The following CDK13 variants were observed in gnomAD, a reference collection of about 807,000 sequenced individuals.
The protein encoded by CDK13 is cyclin-dependent kinase 13.
CDK13 carries 40 observed loss-of-function variants against 137.6 expected under a neutral mutation model. The ratio of observed to expected loss-of-function variants is 0.29; its 90% CI spans 0.23 to 0.38. The LOEUF is 0.38. CDK13 is among the 10% of genes least tolerant of loss of function. The pLI is 1.00. For missense variants in CDK13, 1,704 were observed against 1,951.8 expected, an observed-to-expected ratio of 0.87 and a Z score of 2.39; for synonymous variants, 869 against 760.1, an observed-to-expected ratio of 1.14 and a Z score of -2.36.
intron 5 of CDK13, among the ~76,000 whole-genome samples, chr7:40,012,289 A>T (rs942586959): frequency 6.6e-6 from 1 of 152,212 alleles, no homozygotes; most frequent in Admixed American, 6.5e-5. Context: ...TAGAAATTCT[A>T]CTACTGGATC....
chr7:40,040,885 T>C (rs1397240981), intron 5 of CDK13, among the ~76,000 whole-genome samples: 1 of 152,224 alleles, frequency 6.6e-6, no homozygotes, highest in Admixed American at 6.5e-5. Context: ...AAACTTGTTA[T>C]CTGCATTTAA....
chr7:40,001,818 C>G (rs540707119), intron 4 of CDK13, 43 bp from the exon 5 acceptor site: 1 of 1,229,528 alleles, frequency 8.1e-7, no homozygotes, highest in South Asian at 1.3e-5. Flanking sequence ...ATGTCATCTG[C>G]TTTTGTTAAC....
chr7:40,055,327 A>G (rs543094648), intron 7 of CDK13, among the ~76,000 whole-genome samples: 32 of 152,106 alleles, frequency 2.1e-4, no homozygotes, highest in African/African-American at 7.7e-4. Flanking sequence ...AGTCGACTAT[A>G]TGTTTTTCAG....
intron 1 of CDK13, among the ~76,000 whole-genome samples, chr7:39,977,180 T>C (rs1784129718): frequency 6.6e-6 from 1 of 152,170 alleles, no homozygotes; most frequent in African/African-American, 2.4e-5. Context: ...CAAGATGATA[T>C]TCTCACTAGG....
chr7:40,080,838 G>A (rs1263730219), intron 11 of CDK13, among the ~76,000 whole-genome samples: 6 of 152,138 alleles, frequency 3.9e-5, no homozygotes, highest in Non-Finnish European at 7.4e-5. Context: ...TGGATATCAT[G>A]TTGTGGAGGT....
intron 1 of CDK13, among the ~76,000 whole-genome samples, chr7:39,965,123 G>A (rs147182643): frequency 2.0e-5 from 3 of 152,308 alleles, no homozygotes; most frequent in African/African-American, 7.2e-5. Context: ...GGAGAGTTCT[G>A]TAGATGTCTA....
intron 5 of CDK13, among the ~76,000 whole-genome samples, chr7:40,014,131 C>T (rs1019769665): frequency 1.6e-5 from 2 of 127,126 alleles, no homozygotes; most frequent in African/African-American, 6.2e-5. Flanking sequence ...TGCAGTGGTG[C>T]GGTCTTGGCT....
chr7:39,960,893 A>G (rs936362239), intron 1 of CDK13, among the ~76,000 whole-genome samples: 4 of 152,172 alleles, frequency 2.6e-5, no homozygotes, highest in Non-Finnish European at 5.9e-5. Context: ...TTTTATTGAC[A>G]AATAATTGTA....
intron 12 of CDK13, among the ~76,000 whole-genome samples, chr7:40,088,997 T>G (rs1235728561): frequency 6.6e-6 from 1 of 151,846 alleles, no homozygotes; most frequent in Non-Finnish European, 1.5e-5. Flanking sequence ...AAGAATCGCT[T>G]GAACTGGGGA....
chr7:40,040,279 C>T (rs1219797428), intron 5 of CDK13, among the ~76,000 whole-genome samples: 3 of 152,140 alleles, frequency 2.0e-5, no homozygotes, highest in African/African-American at 7.2e-5. Flanking sequence ...ATCCCAATAC[C>T]ACCAATTAAA....
At chr7:40,012,804 T>C (rs2687597) in intron 5 of CDK13, among the ~76,000 whole-genome samples, 150,844 of 151,862 alleles carry the variant, frequency 0.99, 74,925 homozygotes, top group South Asian at 1. Flanking sequence ...CCCAGCTACT[T>C]GGGAGGCTGA....
intron 5 of CDK13, among the ~76,000 whole-genome samples, chr7:40,042,662 A>G: frequency 7.3e-6 from 1 of 136,516 alleles, no homozygotes; most frequent in African/African-American, 3.6e-5. Flanking sequence ...GTATTTTAGC[A>G]GAGACGGGGT....
chr7:40,088,105 TA>T lies in CDK13; in HGVS notation c.3030-19del. ...TTGTTAAGAAATGCCATTTACAATT[TA>T]ATTCCTTTTTTTTTTTCAGTCTCCC... On this transcript the variant is annotated intron_variant, in intron 11 of 13. Transcript: ENST00000181839. The T allele has an allele frequency of 6.3e-7, 1 of 1,598,270 alleles. No individual in the cohort carries two copies.
intron 12 of CDK13, among the ~76,000 whole-genome samples, chr7:40,089,727 T>C (rs924052955): frequency 0.094 from 11,609 of 123,784 alleles, 1,337 homozygotes; most frequent in African/African-American, 0.29. Context: ...AGAGAGAGTG[T>C]GTGTGTGTGT....
Position 40,036,338 on chromosome 7 carries a change from A to G in CDK13, c.2354-9498A>G, listed in dbSNP as rs527447248. Reference sequence around the variant, plus strand: ...GAGACTCATTATTACTAAAATATTCAAACATCTAAAAGTAGATGAGGTCAG... The same window carrying G: ...GAGACTCATTATTACTAAAATATTCGAACATCTAAAAGTAGATGAGGTCAG... On this transcript the variant is annotated intron_variant, in intron 5 of 13. Coordinates refer to ENST00000181839, the MANE Select transcript of CDK13 (RefSeq NM_003718.5). Among the ~76,000 whole-genome samples the G allele has an allele frequency of 2.6e-5, 4 of 152,256 alleles. No individual in the cohort carries two copies. The South Asian group carries it at 6.2e-4, about 24-fold the overall frequency.
chr7:40,082,438 A>T (rs1036665196), intron 11 of CDK13, among the ~76,000 whole-genome samples: 5 of 137,702 alleles, frequency 3.6e-5, no homozygotes, highest in African/African-American at 1.0e-4. Flanking sequence ...GTGAGCCAAG[A>T]TGGCGCCACT....
chr7:40,061,893 G>T (rs970035156), intron 7 of CDK13: 2 of 152,176 alleles, frequency 1.3e-5, no homozygotes, highest in African/African-American at 4.8e-5. Flanking sequence ...AAATAAAGAG[G>T]TAGCAGTATA....
At position 40,046,275 on chromosome 7, in the gene CDK13, T is replaced by C. The variant is rs141513005; in HGVS notation, c.2543+250T>C. ...GAATCTAAAATTTTTAAAATAAAGATACGGTGTTACATGATGTTGCACCTT... is the reference window on the plus strand; with the variant it reads ...GAATCTAAAATTTTTAAAATAAAGACACGGTGTTACATGATGTTGCACCTT... On this transcript the variant is annotated intron_variant, in intron 6 of 13. Coordinates refer to ENST00000181839, the MANE Select transcript of CDK13 (RefSeq NM_003718.5). 7.9e-5 allele frequency among the ~76,000 whole-genome samples: 12 copies of C among 152,306 alleles called. No individual in the cohort carries two copies. The East Asian group carries it at 2.1e-3, about 27-fold the overall frequency.
In CDK13 at chr7:39,950,501, G is replaced by C. The variant is rs932490802; in HGVS notation, c.-141G>C. 7.9e-7 allele frequency: 1 copy of C among 1,265,058 alleles called. No individual in the cohort carries two copies. Among genetic ancestry groups the C allele is most frequent in the Non-Finnish European group, 9.9e-7 (1 of 1,006,444 alleles). 78.4% of individuals were successfully genotyped at this position (1,265,058 alleles called of 1,614,324 possible). Reference sequence around the variant, plus strand: ...ACCCAGGGACCCGAGTCCCGACCCGGATTATCGTGGCGCTTTTCCCGGCCG... The same window carrying C: ...ACCCAGGGACCCGAGTCCCGACCCGCATTATCGTGGCGCTTTTCCCGGCCG... On this transcript the variant is annotated 5_prime_UTR_variant, in exon 1 of 14. Transcript: ENST00000181839.
Sources: allele counts gnomAD v4.1 joint callset (sites outside exome capture counted in the v4.1 genomes callset), GRCh38; gene constraint gnomAD v4.1.1; transcripts MANE v1.5; gene names NCBI Gene and HGNC (gene_info 2026-07-23, HGNC 2026-07-21).